SLC43A3: variants seen among roughly 807,000 people sequenced by gnomAD.
SLC43A3 encodes solute carrier family 43 member 3.
In SLC43A3, 33 loss-of-function variants were observed where a neutral mutation model predicts 53.3. The ratio of observed to expected loss-of-function variants is 0.62; its 90% CI spans 0.47 to 0.83. The LOEUF is 0.83. SLC43A3 is among the 40% of genes least tolerant of loss of function. SLC43A3 has a pLI of 0.00. For missense variants in SLC43A3, 530 were observed against 610.0 expected (o/e 0.87, Z 1.38); for synonymous variants, 236 against 246.2 (o/e 0.96, Z 0.39).
At chr11:57,421,271 T>C (rs771962241) in intron 6 of SLC43A3, 26 bp downstream of exon 6, 1 of 1,580,318 alleles carries the variant, frequency 6.3e-7, no homozygotes, top group Non-Finnish European at 8.7e-7. Flanking sequence ...CCCTGCCGAG[T>C]GCCTGGGATT....
chr11:57,410,209 G>A, intron 11 of SLC43A3, 88 bp from the exon 12 acceptor site: 3 of 1,083,166 alleles, frequency 2.8e-6, no homozygotes, highest in Non-Finnish European at 1.3e-6. Context: ...AAAAAGGGGA[G>A]GAGCCACTAT....
chr11:57,420,206 T>C (rs1429497187), intron 7 of SLC43A3, among the ~76,000 whole-genome samples: 1 of 152,228 alleles, frequency 6.6e-6, no homozygotes, highest in Non-Finnish European at 1.5e-5. Context: ...ACTCCAGCTA[T>C]CACATCCTCA....
Position 57,420,952 on chromosome 11 carries a change from T to G in SLC43A3, c.531+20A>C. The G allele has an allele frequency of 6.7e-7, 1 of 1,502,164 alleles. No individual in the cohort carries two copies. Among genetic ancestry groups the G allele is most frequent in the Non-Finnish European group, 9.3e-7 (1 of 1,077,896 alleles). 93.1% of individuals were successfully genotyped at this position (1,502,164 alleles called of 1,614,324 possible). A position where few individuals can be genotyped will look rare whatever the true frequency, so the allele number is the denominator to read the frequency against. ...GGCATATACAAGTGCCCAGTGAATG[T>G]AGGCTGTTGCTATATTTACCTTAAT... On this transcript the variant is annotated intron_variant, in intron 7 of 13. Coordinates refer to ENST00000395124, the MANE Select transcript of SLC43A3 (RefSeq NM_199329.3).
rs1028006622 is a variant in SLC43A3, at chr11:57,410,012, G to T, written c.1170C>A (p.Leu390=). The part of the protein sequence containing the change: ...ALCASVPILP[L]QYLTFILQVI... ...CTTGCAGGATGAAGGTGAGGTACTG[G>T]AGAGGGAGGATGGGGACTGAGGCAC... Residue 390 remains leucine, a synonymous_variant, in exon 12 of 14, where the codon CTC becomes CTA. Coordinates refer to ENST00000395124, the MANE Select transcript of SLC43A3 (RefSeq NM_199329.3). The T allele has an allele frequency of 3.1e-6, 5 of 1,613,248 alleles. No individual in the cohort carries two copies. The African/African-American group carries it at 6.7e-5, about 22-fold the overall frequency.
At chr11:57,419,999 T>C (rs1234952540) in intron 7 of SLC43A3, among the ~76,000 whole-genome samples, 1 of 152,150 alleles carries the variant, frequency 6.6e-6, no homozygotes, top group Non-Finnish European at 1.5e-5. Flanking sequence ...GGGTGGTGAC[T>C]GCCAGAGATC....
intron 12 of SLC43A3, 37 bp downstream of exon 12, chr11:57,409,898 T>C (rs752865507): frequency 6.4e-7 from 1 of 1,551,606 alleles, no homozygotes; most frequent in South Asian, 1.2e-5. Context: ...TGCCCCAGTG[T>C]GTCCGTCTCC....
rs780011337 is a variant in SLC43A3, at chr11:57,410,084, C to T, written c.1098G>A (p.Val366=). ...GCAGGGATGTCAGGGCCAGCGAAGG[C>T]ACCGTCGAGCAGAGGGCCACCGCCA... The part of the protein sequence containing the change: ...STLAVALCST[V]PSLALTSLLC... The change falls in exon 12 of 14, where the codon GTG becomes GTA. Residue 366 remains valine (V), a synonymous_variant. Coordinates refer to ENST00000395124, the MANE Select transcript of SLC43A3 (RefSeq NM_199329.3). 1 of 1,609,594 alleles carries T rather than the reference C, an allele frequency of 6.2e-7. No homozygotes were observed.
At chr11:57,414,518 A>AT in intron 11 of SLC43A3, 97 bp downstream of exon 11, 1 of 618,050 alleles carries the variant, frequency 1.6e-6, no homozygotes, top group Non-Finnish European at 2.7e-6. Flanking sequence ...AAAAAAAAAA[A>AT]AAAAAAAAAA....
chr11:57,416,372 T>C (rs1942724579), intron 9 of SLC43A3, among the ~76,000 whole-genome samples: 1 of 151,826 alleles, frequency 6.6e-6, no homozygotes, highest in Admixed American at 6.6e-5. Flanking sequence ...GGATGCGAAA[T>C]AGAGAAAAGA....
intron 7 of SLC43A3, among the ~76,000 whole-genome samples, chr11:57,418,783 G>A (rs549576762): frequency 1.8e-4 from 27 of 152,084 alleles, no homozygotes; most frequent in African/African-American, 5.5e-4. Context: ...CCAGCTACTC[G>A]GGTGGTTAAG....
chr11:57,423,681 C>A (rs1204264548), intron 5 of SLC43A3: 2 of 257,904 alleles, frequency 7.8e-6, no homozygotes, highest in Non-Finnish European at 1.5e-5. Context: ...CCACCCGCCT[C>A]AGCCTCCCAA....
chr11:57,425,428 T>C (rs1330569821), intron 4 of SLC43A3, 113 bp downstream of exon 4: 4 of 1,094,250 alleles, frequency 3.7e-6, no homozygotes, highest in Non-Finnish European at 5.4e-6. Flanking sequence ...GCTGCAGGTG[T>C]GGTGCCTGGC....
chr11:57,424,886 C>G (rs1316412285), intron 4 of SLC43A3, among the ~76,000 whole-genome samples: 2 of 152,216 alleles, frequency 1.3e-5, no homozygotes, highest in Admixed American at 6.5e-5. Context: ...CAGCAGGCCG[C>G]TGATTACCAC....
At chr11:57,414,528 AAAAAG>A in intron 11 of SLC43A3, 82 bp downstream of exon 11, 1 of 699,708 alleles carries the variant, frequency 1.4e-6, no homozygotes, top group Non-Finnish European at 2.4e-6. Context: ...AAAAAAAAAA[AAAAAG>A]AGCGAGAGAA....
chr11:57,416,718 A>G (rs1381835346), intron 8 of SLC43A3, 48 bp from the exon 9 acceptor site: 1 of 1,427,172 alleles, frequency 7.0e-7, no homozygotes, highest in South Asian at 1.2e-5. Context: ...TGTGAGCCGA[A>G]CCTGAGACTC....
intron 11 of SLC43A3, among the ~76,000 whole-genome samples, chr11:57,412,246 C>T (rs2134986279): frequency 6.6e-6 from 1 of 152,264 alleles, no homozygotes. Context: ...GACACAGATT[C>T]TGGGCTGGTA....
At chr11:57,416,224 G>A (rs756369675) in intron 9 of SLC43A3, among the ~76,000 whole-genome samples, 1 of 152,140 alleles carries the variant, frequency 6.6e-6, no homozygotes, top group African/African-American at 2.4e-5. Flanking sequence ...AAGAGAGGGC[G>A]GACCCAGGAG....
Position 57,426,313 on chromosome 11 carries a change from A to C in SLC43A3, c.-141T>G, listed in dbSNP as rs1943195707. 2.7e-6 allele frequency: 2 copies of C among 733,110 alleles called. No individual in the cohort carries two copies. Among genetic ancestry groups the C allele is most frequent in the Non-Finnish European group, 4.4e-6 (2 of 455,484 alleles). The allele number at this position is 733,110 out of a possible 1,614,324, so 45.4% of individuals were successfully genotyped here. A position where few individuals can be genotyped will look rare whatever the true frequency, so the allele number is the denominator to read the frequency against. The stretch of plus-strand genomic sequence containing the variant: ...TTTCCCGTAGCTCTCTGGTTGTTTC[A>C]GGCCTGGGCAAAAACCATCAGCGGG... On this transcript the variant is annotated 5_prime_UTR_variant, in exon 3 of 14. The change abolishes the stop of an existing upstream ORF in the 5' untranslated region. Coordinates refer to ENST00000395124, the MANE Select transcript of SLC43A3 (RefSeq NM_199329.3).
intron 5 of SLC43A3, among the ~76,000 whole-genome samples, chr11:57,422,899 G>A (rs973027440): frequency 6.6e-5 from 10 of 152,234 alleles, no homozygotes; most frequent in Non-Finnish European, 1.0e-4. Flanking sequence ...AAGACACTCA[G>A]CCTCTGTGTT....
Sources: allele counts gnomAD v4.1 joint callset (sites outside exome capture counted in the v4.1 genomes callset), GRCh38; gene constraint gnomAD v4.1.1; transcripts MANE v1.5; gene names NCBI Gene and HGNC (gene_info 2026-07-23, HGNC 2026-07-21).